Variants in ZBBX observed in about 807,000 individuals in gnomAD.
The protein encoded by ZBBX is zinc finger B-box domain containing, also known as zinc finger B-box domain-containing protein 1.
In ZBBX, 101 loss-of-function variants were observed where a neutral mutation model predicts 108.5. That is an observed-to-expected ratio of 0.93 (90% CI 0.79 to 1.10). The LOEUF (loss-of-function observed/expected upper bound fraction) is 1.10, where lower values mean the gene tolerates loss of function less well. Ranked by LOEUF, ZBBX falls within the 50% of genes least tolerant of loss-of-function variation. ZBBX has a pLI of 0.00. For synonymous variants in ZBBX, 356 were observed against 323.4 expected (o/e 1.10, Z -1.08); for missense variants, 1,009 against 941.4 (o/e 1.07, Z -0.94).
the ZBBX span, among the ~76,000 whole-genome samples, chr3:167,233,935 T>C: frequency 6.6e-6 from 1 of 151,758 alleles, no homozygotes; most frequent in Admixed American, 6.6e-5. Flanking sequence ...TCTCAAACTG[T>C]TATGGTAGAA....
intron 11 of ZBBX, among the ~76,000 whole-genome samples, chr3:167,324,280 G>A (rs1214063690): frequency 6.6e-6 from 1 of 152,006 alleles, no homozygotes; most frequent in Non-Finnish European, 1.5e-5. Flanking sequence ...ACGTAGCTAG[G>A]ACTATAGGTT....
intron 9 of ZBBX, among the ~76,000 whole-genome samples, chr3:167,341,041 G>A (rs1740449956): frequency 6.6e-6 from 1 of 151,944 alleles, no homozygotes; most frequent in South Asian, 2.1e-4. Context: ...TCCTGCAAAT[G>A]TGAAATTCAT....
chr3:167,333,749 G>A, intron 10 of ZBBX, 78 bp downstream of exon 10: 1 of 1,241,974 alleles, frequency 8.1e-7, no homozygotes, highest in Non-Finnish European at 1.1e-6. Flanking sequence ...AAATTCTATA[G>A]CTCAAGTTAA....
At chr3:167,397,383 T>C (rs903158029) in intron 1 of ZBBX, among the ~76,000 whole-genome samples, 1 of 151,866 alleles carries the variant, frequency 6.6e-6, no homozygotes, top group African/African-American at 2.4e-5. Context: ...TAAATAAAAT[T>C]TTATTTCTAT....
chr3:167,365,183 G>A (rs976159102), intron 6 of ZBBX, among the ~76,000 whole-genome samples: 10 of 151,622 alleles, frequency 6.6e-5, no homozygotes, highest in African/African-American at 9.7e-5. Flanking sequence ...CTTTAGAAGC[G>A]CCAAGTAAGA....
At chr3:167,223,875 T>A in the ZBBX span, among the ~76,000 whole-genome samples, 2 of 151,984 alleles carry the variant, frequency 1.3e-5, no homozygotes, top group African/African-American at 4.8e-5. Flanking sequence ...CTGTGCAGCA[T>A]TAAAACAGAA....
At chr3:167,233,018 T>A in the ZBBX span, among the ~76,000 whole-genome samples, 5 of 151,698 alleles carry the variant, frequency 3.3e-5, no homozygotes, top group African/African-American at 7.3e-5. Context: ...TTTCCTCACA[T>A]CCACCTTAAG....
chr3:167,290,715 T>C (rs1407069406), intron 18 of ZBBX, among the ~76,000 whole-genome samples: 1 of 152,088 alleles, frequency 6.6e-6, no homozygotes, highest in East Asian at 1.9e-4. Flanking sequence ...GTTTGACGAA[T>C]TGACAGAAGT....
At chr3:167,400,006 G>T (rs1046280034) in intron 1 of ZBBX, among the ~76,000 whole-genome samples, 1 of 152,238 alleles carries the variant, frequency 6.6e-6, no homozygotes, top group Middle Eastern at 3.4e-3. Flanking sequence ...ACTCTCTCCA[G>T]CTACAACCAT....
At chr3:167,348,572 T>A (rs1742109816) in intron 9 of ZBBX, among the ~76,000 whole-genome samples, 1 of 152,068 alleles carries the variant, frequency 6.6e-6, no homozygotes, top group African/African-American at 2.4e-5. Context: ...TGTATCTATA[T>A]ATATGTCAAA....
intron 20 of ZBBX, among the ~76,000 whole-genome samples, chr3:167,261,393 C>A (rs1443879717): frequency 2.7e-5 from 4 of 148,448 alleles, no homozygotes; most frequent in African/African-American, 7.5e-5. Flanking sequence ...CTAGAACACC[C>A]AAGATTATAT....
chr3:167,241,040 G>GT, intron 21 of ZBBX, 121 bp from the exon 22 acceptor site: 1 of 1,031,070 alleles, frequency 9.7e-7, no homozygotes, highest in South Asian at 1.8e-5. Context: ...TGAGGGAGCT[G>GT]TATCAGACTG....
the ZBBX span, among the ~76,000 whole-genome samples, chr3:167,197,559 T>C: frequency 6.6e-6 from 1 of 151,862 alleles, no homozygotes; most frequent in Non-Finnish European, 1.5e-5. Flanking sequence ...AAAATAAAAA[T>C]AAGAATTTAA....
the ZBBX span, among the ~76,000 whole-genome samples, chr3:167,189,734 C>T: frequency 6.6e-6 from 1 of 152,196 alleles, no homozygotes; most frequent in African/African-American, 2.4e-5. Flanking sequence ...ATGCCACAAT[C>T]AACATCCCAC....
chr3:167,192,396 T>C, the ZBBX span, among the ~76,000 whole-genome samples: 1 of 152,162 alleles, frequency 6.6e-6, no homozygotes, highest in Non-Finnish European at 1.5e-5. Flanking sequence ...TTGCTGGGTA[T>C]AGTATTCTTG....
intron 8 of ZBBX, among the ~76,000 whole-genome samples, chr3:167,354,227 C>T (rs1296185152): frequency 1.3e-5 from 2 of 151,810 alleles, no homozygotes; most frequent in Admixed American, 1.3e-4. Context: ...TACCACATAT[C>T]ACTAGCCTGG....
downstream of ZBBX, among the ~76,000 whole-genome samples, chr3:167,238,181 T>C (rs762249234): frequency 3.2e-4 from 49 of 151,998 alleles, 1 homozygote; most frequent in Non-Finnish European, 6.0e-4. Context: ...ATTTTAACTA[T>C]AGATACTAAA....
intron 20 of ZBBX, among the ~76,000 whole-genome samples, chr3:167,267,549 A>G (rs1231102454): frequency 5.9e-5 from 9 of 152,306 alleles, no homozygotes; most frequent in African/African-American, 2.2e-4. Context: ...AACTAAACAT[A>G]AGAAAAAGCA....
At chr3:167,297,781 A>T (rs992905357) in intron 18 of ZBBX, among the ~76,000 whole-genome samples, 1 of 152,032 alleles carries the variant, frequency 6.6e-6, no homozygotes, top group East Asian at 1.9e-4. Flanking sequence ...GCACATGAAA[A>T]GATGCTTAAC....
Sources: gnomAD v4.1 joint callset for allele counts (sites outside exome capture counted in the v4.1 genomes callset) on GRCh38, gnomAD v4.1.1 for gene constraint, MANE v1.5 for transcripts, NCBI Gene and HGNC (gene_info 2026-07-23, HGNC 2026-07-21) for gene names.